Variants in DPH7 observed in about 807,000 individuals in gnomAD.
DPH7 encodes diphthine methyltransferase.
In DPH7, 44 loss-of-function variants were observed where a neutral mutation model predicts 41.7. The ratio of observed to expected loss-of-function variants is 1.05; its 90% confidence interval spans 0.83 to 1.36. The LOEUF is 1.36. Among genes scored for constraint, DPH7 ranks in the 40% most tolerant of loss-of-function variants. The probability of loss-of-function intolerance (pLI) is 0.00; values close to 1 mark genes in which losing one functional copy is unlikely to be tolerated. For missense variants in DPH7, 629 were observed against 577.5 expected, an observed-to-expected ratio of 1.09 and a Z score of -0.91; for synonymous variants, 275 against 238.0, an observed-to-expected ratio of 1.16 and a Z score of -1.43.
chr9:137,573,082 C>T (rs958915404), intron 5 of DPH7, among the ~76,000 whole-genome samples: 21 of 152,160 alleles, frequency 1.4e-4, no homozygotes, highest in Non-Finnish European at 2.9e-4. Context: ...AATAAGTGGG[C>T]GGGGCAAGGT....
chr9:137,560,964 G>T (rs1838438976), intron 8 of DPH7, among the ~76,000 whole-genome samples: 1 of 148,214 alleles, frequency 6.7e-6, no homozygotes, highest in African/African-American at 2.5e-5. Flanking sequence ...GGAGGTTGCA[G>T]TGGGCCGAGA....
chr9:137,571,508 G>A (rs945896567), intron 5 of DPH7, among the ~76,000 whole-genome samples: 4 of 152,138 alleles, frequency 2.6e-5, no homozygotes, highest in Non-Finnish European at 4.4e-5. Context: ...TTTTTAAGAA[G>A]GCTGAGTGCA....
At chr9:137,561,813 C>T (rs1287305615) in intron 8 of DPH7, among the ~76,000 whole-genome samples, 1 of 152,110 alleles carries the variant, frequency 6.6e-6, no homozygotes, top group African/African-American at 2.4e-5. Flanking sequence ...CTGATGGAAA[C>T]GAGGCTGGAA....
intron 1 of DPH7, 77 bp downstream of exon 1, chr9:137,578,548 G>A (rs1841851576): frequency 7.3e-7 from 1 of 1,370,100 alleles, no homozygotes; most frequent in African/African-American, 1.5e-5. Context: ...TTCATCTCCT[G>A]GGCGATTCGG....
intron 5 of DPH7, among the ~76,000 whole-genome samples, chr9:137,568,725 C>T (rs923012654): frequency 7.2e-5 from 11 of 152,066 alleles, no homozygotes; most frequent in African/African-American, 1.2e-4. Context: ...AGGGGAAAGA[C>T]GGACGGGAAC....
chr9:137,569,131 C>G (rs1448214650), intron 5 of DPH7, among the ~76,000 whole-genome samples: 2 of 152,042 alleles, frequency 1.3e-5, no homozygotes, highest in African/African-American at 4.8e-5. Context: ...AAGGGAAGCT[C>G]AAGAGCAGGG....
chr9:137,571,371 G>C (rs1840404913), intron 5 of DPH7, among the ~76,000 whole-genome samples: 1 of 151,770 alleles, frequency 6.6e-6, no homozygotes, highest in African/African-American at 2.4e-5. Flanking sequence ...TATTTTAATA[G>C]AGATGGGGTT....
chr9:137,559,238 A>G (rs1319945828), intron 8 of DPH7, among the ~76,000 whole-genome samples: 1 of 152,244 alleles, frequency 6.6e-6, no homozygotes, highest in Non-Finnish European at 1.5e-5. Flanking sequence ...AGGTGTGACC[A>G]GAAGACAAGA....
At chr9:137,563,275 G>A (rs1838937786) in intron 8 of DPH7, among the ~76,000 whole-genome samples, 1 of 152,170 alleles carries the variant, frequency 6.6e-6, no homozygotes, top group African/African-American at 2.4e-5. Flanking sequence ...GCTCACGCCT[G>A]TAATCCTAAC....
chr9:137,576,021 T>C, intron 3 of DPH7, 59 bp downstream of exon 3: 2 of 1,606,652 alleles, frequency 1.2e-6, no homozygotes. Context: ...CACAGCCTCC[T>C]CCCCAACCCT....
At position 137,574,839 on chromosome 9, in the gene DPH7, C is replaced by T. The variant is rs762616842; in HGVS notation, c.380G>A (p.Ser127Asn). Residue 127 changes from serine to asparagine, a missense_variant, in exon 4 of 9, where the codon AGC becomes AAC. Transcript: ENST00000277540. Reference sequence around the variant, plus strand: ...GCTGGACAATGGCTCCAGCACGTGGCTCTTCTACTGGAGAAGAAGAAACTC... The same window carrying T: ...GCTGGACAATGGCTCCAGCACGTGGTTCTTCTACTGGAGAAGAAGAAACTC... ...QLLRLVESEKSHVLEPLSSLA... is the reference protein window; with the variant it reads ...QLLRLVESEKNHVLEPLSSLA... 6.2e-7 allele frequency: 1 copy of T among 1,613,816 alleles called. No homozygotes were observed. The highest frequency in any genetic ancestry group is 1.7e-5 in the Admixed American group (1 of 59,984).
chr9:137,578,761 G>C lies in DPH7; in HGVS notation c.17C>G (p.Ala6Gly). 6.6e-7 allele frequency: 1 copy of C among 1,513,886 alleles called. No homozygotes were observed. The highest frequency in any genetic ancestry group is 1.3e-5 in the South Asian group (1 of 79,784). The allele number at this position is 1,513,886 out of a possible 1,614,324, so 93.8% of individuals were successfully genotyped here. MMGCF[A>G]LQTVDTELTA... The stretch of plus-strand genomic sequence containing the variant: ...CAGCTCGGTGTCCACCGTTTGCAGG[G>C]CGAAACAGCCCATCATCCAGCCCTC... The change falls in exon 1 of 9, where the codon GCC (alanine) becomes GGC (glycine). Residue 6 changes from alanine to glycine, a missense_variant. Transcript: ENST00000277540.
intron 7 of DPH7, 45 bp downstream of exon 7, chr9:137,564,848 C>A (rs772808917): frequency 6.4e-7 from 1 of 1,564,440 alleles, no homozygotes; most frequent in East Asian, 2.4e-5. Flanking sequence ...CCCCCGGGGA[C>A]AGCGAAAGAG....
chr9:137,576,214 GGCGTGCA>G lies in DPH7; in HGVS notation c.288-54_288-48del, dbSNP rs1841360753. On this transcript the variant is annotated intron_variant, in intron 2 of 8. Transcript: ENST00000277540. Reference sequence around the variant, plus strand: ...AGCACACCAATGTGCCCGGAGCACAGGCGTGCACTGTGCGTCCCGGTAACCACAGTCA... The same window carrying G: ...AGCACACCAATGTGCCCGGAGCACAGCTGTGCGTCCCGGTAACCACAGTCA... 4 of 1,557,580 alleles carry G rather than the reference GGCGTGCA, an allele frequency of 2.6e-6. No individual in the cohort carries two copies. In the East Asian group the frequency reaches 9.0e-5, roughly 35 times the overall value.
rs1837495501 is a variant in DPH7 at position 137,556,316 on chromosome 9, C to T, written c.950-668G>A. Among the ~76,000 whole-genome samples, 2 of 152,198 alleles carry T rather than the reference C, an allele frequency of 1.3e-5. No individual in the cohort carries two copies. The highest frequency in any genetic ancestry group is 6.5e-5 in the Admixed American group (1 of 15,282). ...GCCAAACCCGAGGCGATCTGGAGTCCAGGAGGCAAGGCCAGGGCTGGCAGG... is the reference window on the plus strand; with the variant it reads ...GCCAAACCCGAGGCGATCTGGAGTCTAGGAGGCAAGGCCAGGGCTGGCAGG... On this transcript the variant is annotated intron_variant, in intron 8 of 8. Transcript: ENST00000277540. This position sits in a 1 kb window ranked among gnomAD's most constrained non-coding sequence, Gnocchi z 5.2.
chr9:137,576,473 C>A, intron 2 of DPH7: 1 of 324,508 alleles, frequency 3.1e-6, no homozygotes, highest in Non-Finnish European at 5.9e-6. Flanking sequence ...CATGGTGGCT[C>A]ACACTTGTAA....
chr9:137,555,724 G>A, intron 8 of DPH7, 76 bp from the exon 9 acceptor site: 1 of 1,475,666 alleles, frequency 6.8e-7, no homozygotes, highest in South Asian at 1.4e-5. Flanking sequence ...CACCTGACAG[G>A]GAGACTCCAA....
chr9:137,577,008 C>A (rs1841526833), intron 2 of DPH7, among the ~76,000 whole-genome samples: 1 of 149,460 alleles, frequency 6.7e-6, no homozygotes, highest in African/African-American at 2.5e-5. Context: ...GAGCTATGAT[C>A]ACGTGACTGC....
At chr9:137,563,020 G>A (rs1323242447) in intron 8 of DPH7, among the ~76,000 whole-genome samples, 1 of 151,524 alleles carries the variant, frequency 6.6e-6, no homozygotes, top group Non-Finnish European at 1.5e-5. Context: ...GGCTTGGCAT[G>A]GGGGTCCCAG....
Sources: gnomAD v4.1 joint callset for allele counts (sites outside exome capture counted in the v4.1 genomes callset) on GRCh38, gnomAD v4.1.1 for gene constraint, Gnocchi (gnomAD v3.1) non-coding constraint, MANE v1.5 for transcripts, NCBI Gene and HGNC (gene_info 2026-07-23, HGNC 2026-07-21) for gene names.